Variants in ACOT12 observed in about 807,000 individuals in gnomAD.
ACOT12 encodes acetyl-coenzyme A thioesterase.
In ACOT12, 51 loss-of-function variants were observed where a neutral mutation model predicts 67.7. The ratio of observed to expected loss-of-function variants is 0.75; its 90% CI spans 0.60 to 0.95. The LOEUF is 0.95. Among genes scored for constraint, ACOT12 ranks in the 40% least tolerant of loss-of-function variants. The pLI, the probability that ACOT12 is intolerant of heterozygous loss-of-function variation, is 0.00. For synonymous variants in ACOT12, 251 were observed against 244.6 expected (o/e 1.03, Z -0.24); for missense variants, 734 against 708.1 (o/e 1.04, Z -0.41).
chr5:81,357,395 G>A (rs987901133), intron 5 of ACOT12, among the ~76,000 whole-genome samples: 15 of 152,206 alleles, frequency 9.9e-5, no homozygotes, highest in African/African-American at 3.6e-4. Flanking sequence ...ATACAGAACT[G>A]TTGGAAGGAA....
At chr5:81,356,942 A>G (rs1428412628) in intron 5 of ACOT12, among the ~76,000 whole-genome samples, 1 of 151,858 alleles carries the variant, frequency 6.6e-6, no homozygotes, top group African/African-American at 2.4e-5. Context: ...AATGGCTCCC[A>G]TCAAGAACAG....
At chr5:81,339,309 G>A (rs890576580) in intron 11 of ACOT12, among the ~76,000 whole-genome samples, 1 of 152,200 alleles carries the variant, frequency 6.6e-6, no homozygotes. Context: ...CCGGCTCCAT[G>A]AGAATAGCTC....
At chr5:81,379,193 A>G (rs1224040835) in intron 2 of ACOT12, among the ~76,000 whole-genome samples, 1 of 152,128 alleles carries the variant, frequency 6.6e-6, no homozygotes, top group Non-Finnish European at 1.5e-5. Context: ...ACATTGATGA[A>G]GCTGGAAACC....
Position 81,347,889 on chromosome 5 carries a change from C to A in ACOT12, c.538G>T (p.Gly180Cys). Residue 180 changes from glycine to cysteine, a missense_variant, in exon 6 of 15, where the codon GGC (glycine) becomes TGC (cysteine). Physicochemically the swap from Gly to Cys is radical, Grantham distance 159. Transcript: ENST00000307624. ...AGTTCAATGCTCTGAACGGAGGTGCCCCTTGTGGAAACCGCTCCTTCCTCT... is the reference window on the plus strand; with the variant it reads ...AGTTCAATGCTCTGAACGGAGGTGCACCTTGTGGAAACCGCTCCTTCCTCT... ...DEEEGAVSTR[G>C]TSVQSIELVL... is the part of the protein sequence containing the mutation. 6.2e-7 allele frequency: 1 copy of A among 1,613,846 alleles called. No individual in the cohort carries two copies. Among genetic ancestry groups the A allele is most frequent in the Non-Finnish European group, 8.5e-7 (1 of 1,179,902 alleles).
At chr5:81,315,773 G>A in the ACOT12 span, among the ~76,000 whole-genome samples, 1 of 152,164 alleles carries the variant, frequency 6.6e-6, no homozygotes, top group Non-Finnish European at 1.5e-5. Context: ...TGTAGCTGAA[G>A]CCTAGAGAAG....
At chr5:81,334,527 C>G (rs894473327) in intron 12 of ACOT12, among the ~76,000 whole-genome samples, 3 of 152,210 alleles carry the variant, frequency 2.0e-5, no homozygotes, top group Non-Finnish European at 4.4e-5. Flanking sequence ...GGAACTCCTC[C>G]CATTTCAACT....
chr5:81,392,748 G>C (rs1278945188), intron 1 of ACOT12, among the ~76,000 whole-genome samples: 2 of 129,716 alleles, frequency 1.5e-5, no homozygotes, highest in Non-Finnish European at 3.4e-5. Context: ...CTCAAATCCT[G>C]TTAAAAAAAA....
intron 1 of ACOT12, among the ~76,000 whole-genome samples, chr5:81,392,084 A>C (rs1383551182): frequency 6.6e-6 from 1 of 152,216 alleles, no homozygotes; most frequent in Non-Finnish European, 1.5e-5. Flanking sequence ...CCACTGACAG[A>C]AGTAAGGATA....
intron 3 of ACOT12, 89 bp from the exon 4 acceptor site, chr5:81,363,978 T>C (rs1342032383): frequency 2.8e-6 from 2 of 713,666 alleles, no homozygotes; most frequent in Non-Finnish European, 2.0e-6. Context: ...ACCATTACCT[T>C]CTTTCATTTT....
chr5:81,364,574 C>T (rs1234308198), intron 3 of ACOT12, among the ~76,000 whole-genome samples: 4 of 151,928 alleles, frequency 2.6e-5, no homozygotes, highest in African/African-American at 4.8e-5. Flanking sequence ...ACTACAGGCA[C>T]GCAGCACTAC....
chr5:81,393,916 C>CG (rs1561357370), intron 1 of ACOT12, 72 bp downstream of exon 1: 8 of 1,273,386 alleles, frequency 6.3e-6, no homozygotes, highest in African/African-American at 4.7e-5. Context: ...TTCCTACCCC[C>CG]CCCAGCCCCC....
chr5:81,330,986 T>C (rs2153841558), intron 13 of ACOT12, 46 bp from the exon 14 acceptor site: 1 of 1,525,674 alleles, frequency 6.6e-7, no homozygotes, highest in South Asian at 1.3e-5. Flanking sequence ...TAAAGAATAG[T>C]TGTTAGAAAA....
At chr5:81,350,166 AT>A (rs1357092728) in intron 5 of ACOT12, among the ~76,000 whole-genome samples, 1 of 151,974 alleles carries the variant, frequency 6.6e-6, no homozygotes, top group African/African-American at 2.4e-5. Flanking sequence ...CCTCCCTTAC[AT>A]GTTCCCCATC....
At chr5:81,360,832 G>C (rs979899099) in intron 4 of ACOT12, among the ~76,000 whole-genome samples, 12 of 152,102 alleles carry the variant, frequency 7.9e-5, no homozygotes, top group African/African-American at 2.9e-4. Flanking sequence ...GGGCTGAGGT[G>C]GGTGAATCAC....
chr5:81,385,213 C>A (rs1012531525), intron 2 of ACOT12, among the ~76,000 whole-genome samples: 6 of 152,060 alleles, frequency 3.9e-5, no homozygotes, highest in African/African-American at 1.4e-4. Context: ...CCTTGGGAAG[C>A]CAGTGGGTGG....
At chr5:81,354,302 C>T (rs914667785) in intron 5 of ACOT12, among the ~76,000 whole-genome samples, 2 of 152,184 alleles carry the variant, frequency 1.3e-5, no homozygotes. Context: ...CAATTGCAAT[C>T]GTTTTATCTC....
chr5:81,339,894 T>A (rs1192607881), intron 11 of ACOT12, among the ~76,000 whole-genome samples: 1 of 133,788 alleles, frequency 7.5e-6, no homozygotes, highest in Non-Finnish European at 1.7e-5. Context: ...GGAAAAAACA[T>A]GATTTTTTTT....
At chr5:81,352,553 A>G (rs1357854521) in intron 5 of ACOT12, among the ~76,000 whole-genome samples, 1 of 152,150 alleles carries the variant, frequency 6.6e-6, no homozygotes, top group Non-Finnish European at 1.5e-5. Flanking sequence ...GGAGCTAAAA[A>G]TCAAAACAAT....
At chr5:81,348,989 C>T (rs909955626) in intron 5 of ACOT12, among the ~76,000 whole-genome samples, 7 of 152,202 alleles carry the variant, frequency 4.6e-5, no homozygotes, top group Admixed American at 2.0e-4. Flanking sequence ...TTTTGCATCA[C>T]GAAGTGAACC....
Sources: allele counts gnomAD v4.1 joint callset (sites outside exome capture counted in the v4.1 genomes callset), GRCh38; gene constraint gnomAD v4.1.1; transcripts MANE v1.5; gene names NCBI Gene and HGNC (gene_info 2026-07-23, HGNC 2026-07-21).